EXOC6B: variants seen among roughly 807,000 people sequenced by gnomAD.
EXOC6B encodes the protein SEC15 homolog B.
A neutral mutation model predicts 113.5 loss-of-function variants in EXOC6B; 54 were observed. The ratio of observed to expected loss-of-function variants is 0.48; its 90% CI spans 0.38 to 0.60. The LOEUF is 0.60. Ranked by LOEUF, EXOC6B falls within the 20% of genes least tolerant of loss-of-function variation. The probability of loss-of-function intolerance (pLI) is 0.00; values close to 1 mark genes in which losing one functional copy is unlikely to be tolerated. For missense variants in EXOC6B, 797 were observed against 977.5 expected (o/e 0.82, Z 2.46); for synonymous variants, 357 against 339.0 (o/e 1.05, Z -0.58).
intron 18 of EXOC6B, among the ~76,000 whole-genome samples, chr2:72,392,980 G>A (rs1221236463): frequency 1.3e-5 from 2 of 152,086 alleles, no homozygotes; most frequent in Non-Finnish European, 2.9e-5. Flanking sequence ...AGCAGCTGCT[G>A]TCTTCAAAGC....
intron 6 of EXOC6B, among the ~76,000 whole-genome samples, chr2:72,716,239 A>G (rs1679606378): frequency 6.6e-6 from 1 of 152,196 alleles, no homozygotes; most frequent in African/African-American, 2.4e-5. Flanking sequence ...AGAGCCATAC[A>G]ATGGAAGGAT....
At chr2:72,743,139 C>T (rs548716917) in intron 1 of EXOC6B, among the ~76,000 whole-genome samples, 1 of 152,158 alleles carries the variant, frequency 6.6e-6, no homozygotes, top group South Asian at 2.1e-4. Flanking sequence ...ACTCAACCTC[C>T]GAAACATGTC....
At chr2:72,712,315 C>A (rs1331046256) in intron 6 of EXOC6B, among the ~76,000 whole-genome samples, 1 of 152,186 alleles carries the variant, frequency 6.6e-6, no homozygotes, top group African/African-American at 2.4e-5. Flanking sequence ...TAAAGCCACA[C>A]ACAATTACTG....
At chr2:72,437,500 C>T (rs1033903942) in intron 18 of EXOC6B, among the ~76,000 whole-genome samples, 1 of 152,158 alleles carries the variant, frequency 6.6e-6, no homozygotes, top group Admixed American at 6.5e-5. Flanking sequence ...GTGCCCACAG[C>T]CGCCCCTTCC....
chr2:72,484,103 C>T (rs564580180), intron 16 of EXOC6B, among the ~76,000 whole-genome samples: 8 of 150,688 alleles, frequency 5.3e-5, no homozygotes, highest in African/African-American at 1.5e-4. Flanking sequence ...CGGAGAAAAT[C>T]TAACAAGAAA....
chr2:72,565,604 GA>G (rs1462761897), intron 7 of EXOC6B, among the ~76,000 whole-genome samples: 3 of 151,590 alleles, frequency 2.0e-5, no homozygotes, highest in Non-Finnish European at 2.9e-5. Flanking sequence ...CAATAATGAA[GA>G]AAAAAACCAA....
chr2:72,224,660 C>T (rs913723342), intron 20 of EXOC6B, among the ~76,000 whole-genome samples: 2 of 151,974 alleles, frequency 1.3e-5, no homozygotes, highest in Non-Finnish European at 2.9e-5. Context: ...GACAAAGTCT[C>T]GCTCTGTTGC....
chr2:72,552,044 T>G (rs1317779080), intron 8 of EXOC6B, among the ~76,000 whole-genome samples: 7 of 152,230 alleles, frequency 4.6e-5, no homozygotes, highest in African/African-American at 1.7e-4. Flanking sequence ...TTCAAACAAA[T>G]GTACTAGATT....
At chr2:72,402,708 A>G (rs1488933230) in intron 18 of EXOC6B, among the ~76,000 whole-genome samples, 2 of 152,090 alleles carry the variant, frequency 1.3e-5, no homozygotes, top group African/African-American at 4.8e-5. Context: ...ATATTGTGTG[A>G]TTTTTGTGTT....
At chr2:72,554,020 TC>T (rs1703392755) in intron 8 of EXOC6B, among the ~76,000 whole-genome samples, 1 of 152,074 alleles carries the variant, frequency 6.6e-6, no homozygotes, top group Non-Finnish European at 1.5e-5. Context: ...CCCAAAGAAA[TC>T]AGCAGCTTAT....
chr2:72,666,802 CACACACACACACACACACACAA>C (rs1675425203), intron 6 of EXOC6B, among the ~76,000 whole-genome samples: 3 of 150,508 alleles, frequency 2.0e-5, no homozygotes, highest in Admixed American at 1.3e-4. Flanking sequence ...CACACACACA[CACACACACACACACACACACAA>C]AGAAATGCCT....
chr2:72,517,122 A>T (rs1299058609), intron 8 of EXOC6B, among the ~76,000 whole-genome samples: 1 of 152,156 alleles, frequency 6.6e-6, no homozygotes, highest in Non-Finnish European at 1.5e-5. Context: ...CAGGATAGTA[A>T]ATATATGAGG....
chr2:72,493,888 C>T (rs983365790), intron 15 of EXOC6B, among the ~76,000 whole-genome samples: 2 of 151,978 alleles, frequency 1.3e-5, no homozygotes, highest in African/African-American at 4.8e-5. Context: ...GTTTTGAGAG[C>T]CTGCATGTAA....
chr2:72,401,537 A>ATG (rs1192604554), intron 18 of EXOC6B, among the ~76,000 whole-genome samples: 3 of 31,790 alleles, frequency 9.4e-5, no homozygotes, highest in Non-Finnish European at 1.4e-4. Flanking sequence ...ATATATATAT[A>ATG]TATATATGTG....
intron 19 of EXOC6B, among the ~76,000 whole-genome samples, chr2:72,337,575 G>C (rs1688763463): frequency 6.6e-6 from 1 of 152,238 alleles, no homozygotes; most frequent in East Asian, 1.9e-4. Context: ...TTAGTTTTCG[G>C]AGTCACTTTA....
chr2:72,500,487 T>G (rs935193247), intron 11 of EXOC6B, among the ~76,000 whole-genome samples: 1 of 150,902 alleles, frequency 6.6e-6, no homozygotes, highest in Non-Finnish European at 1.5e-5. Context: ...CTAATGAAAT[T>G]AAAAAAGATA....
At chr2:72,671,747 CAGAGAAAGAAAGAA>C (rs1199735880) in intron 6 of EXOC6B, among the ~76,000 whole-genome samples, 1 of 84,858 alleles carries the variant, frequency 1.2e-5, no homozygotes, top group Non-Finnish European at 2.2e-5. Flanking sequence ...GAGAGAGAGA[CAGAGAAAGAAAGAA>C]AGAAAGAAAG....
chr2:72,400,152 C>T (rs1309003121), intron 18 of EXOC6B, among the ~76,000 whole-genome samples: 2 of 152,028 alleles, frequency 1.3e-5, no homozygotes, highest in Non-Finnish European at 2.9e-5. Context: ...AACTGATCTT[C>T]AACAAACTCA....
At chr2:72,634,496 G>A (rs1392411093) in intron 6 of EXOC6B, among the ~76,000 whole-genome samples, 1 of 152,124 alleles carries the variant, frequency 6.6e-6, no homozygotes, top group Non-Finnish European at 1.5e-5. Flanking sequence ...AGGGCAGAGT[G>A]GGGAGCTTGG....
Sources: gnomAD v4.1 joint callset for allele counts (sites outside exome capture counted in the v4.1 genomes callset) on GRCh38, gnomAD v4.1.1 for gene constraint, MANE v1.5 for transcripts, NCBI Gene and HGNC (gene_info 2026-07-23, HGNC 2026-07-21) for gene names.